AK4: variants seen among roughly 807,000 people sequenced by gnomAD.
The protein encoded by AK4 is adenylate kinase 4, also known as adenylate kinase 4, mitochondrial.
Under a neutral mutation model 24.6 loss-of-function variants are expected in AK4, and 13 were observed. That is an observed-to-expected ratio of 0.53 (90% CI 0.34 to 0.84). The LOEUF (loss-of-function observed/expected upper bound fraction) is 0.84, where lower values mean the gene tolerates loss of function less well. Ranked by LOEUF, AK4 falls within the 40% of genes least tolerant of loss-of-function variation. The pLI is 0.01. For synonymous variants in AK4, 88 were observed against 107.0 expected (o/e 0.82, Z 1.10); for missense variants, 192 against 288.2 (o/e 0.67, Z 2.42).
At chr1:65,194,889 A>G (rs1651420725) in intron 2 of AK4, among the ~76,000 whole-genome samples, 1 of 152,048 alleles carries the variant, frequency 6.6e-6, no homozygotes, top group Non-Finnish European at 1.5e-5. Context: ...GCTTCCTCCA[A>G]ATTCTTCAGC....
intron 1 of AK4, chr1:65,148,997 CG>C (rs1649671451): frequency 6.6e-6 from 1 of 152,248 alleles, no homozygotes; most frequent in Non-Finnish European, 1.5e-5. Context: ...CTGTGGCAGT[CG>C]GGCGGGGCCG....
At chr1:65,173,103 A>T (rs939593794) in intron 1 of AK4, among the ~76,000 whole-genome samples, 6 of 152,082 alleles carry the variant, frequency 3.9e-5, no homozygotes, top group Admixed American at 6.5e-5. Flanking sequence ...ACCTCAAGTG[A>T]TCCACCTGAC....
intron 1 of AK4, among the ~76,000 whole-genome samples, chr1:65,181,342 T>C (rs1650898839): frequency 6.6e-6 from 1 of 152,050 alleles, no homozygotes; most frequent in African/African-American, 2.4e-5. Flanking sequence ...TATTGTATAA[T>C]TGTGTCTGTG....
chr1:65,199,319 G>A (rs1651590005), intron 2 of AK4, among the ~76,000 whole-genome samples: 1 of 152,028 alleles, frequency 6.6e-6, no homozygotes, highest in Non-Finnish European at 1.5e-5. Flanking sequence ...GGAGGCCGAG[G>A]TGGGCGAGTC....
At chr1:65,204,697 C>G (rs959247529) in intron 2 of AK4, among the ~76,000 whole-genome samples, 1 of 152,186 alleles carries the variant, frequency 6.6e-6, no homozygotes, top group Admixed American at 6.5e-5. Flanking sequence ...AGACAGGAGG[C>G]ATTGTCTCCA....
chr1:65,214,336 C>T (rs1182607743), intron 2 of AK4, among the ~76,000 whole-genome samples: 1 of 152,034 alleles, frequency 6.6e-6, no homozygotes, highest in Non-Finnish European at 1.5e-5. Context: ...GTCTTGAACT[C>T]CTGACCGCAA....
chr1:65,166,144 C>T (rs1650321698), intron 1 of AK4: 1 of 152,180 alleles, frequency 6.6e-6, no homozygotes, highest in Non-Finnish European at 1.5e-5. Context: ...AAACTTGATT[C>T]CTGAGGGTCA....
chr1:65,212,230 T>C (rs1212019425), intron 2 of AK4, among the ~76,000 whole-genome samples: 1 of 152,124 alleles, frequency 6.6e-6, no homozygotes, highest in African/African-American at 2.4e-5. Flanking sequence ...AACTGTGTTA[T>C]AAGGATGCCA....
At chr1:65,212,213 A>G (rs1180782647) in intron 2 of AK4, among the ~76,000 whole-genome samples, 1 of 152,196 alleles carries the variant, frequency 6.6e-6, no homozygotes, top group African/African-American at 2.4e-5. Context: ...GATGCTCTAC[A>G]AATGGTAACT....
chr1:65,208,627 G>A (rs148846904), intron 2 of AK4, among the ~76,000 whole-genome samples: 2 of 152,262 alleles, frequency 1.3e-5, no homozygotes, highest in Admixed American at 6.5e-5. Context: ...GGCTGATGTC[G>A]CATAGCCTTT....
chr1:65,221,772 A>G (rs968249589), intron 3 of AK4, among the ~76,000 whole-genome samples: 3 of 152,204 alleles, frequency 2.0e-5, no homozygotes, highest in Admixed American at 1.3e-4. Context: ...CTTACCACTG[A>G]GTTGCTTTTC....
At chr1:65,207,893 A>G (rs1651859138) in intron 2 of AK4, among the ~76,000 whole-genome samples, 1 of 152,194 alleles carries the variant, frequency 6.6e-6, no homozygotes, top group Non-Finnish European at 1.5e-5. Flanking sequence ...TTACGGCTGC[A>G]TAGTATTCCA....
In AK4 at chr1:65,227,943, C is replaced by CT. The variant is rs1388699196; in HGVS notation, c.*1771dup. The CT allele has an allele frequency of 1.4e-5, 2 of 143,214 alleles. No homozygotes were observed. Among genetic ancestry groups the CT allele is most frequent in the African/African-American group, 5.7e-5 (2 of 35,178 alleles). 8.9% of individuals were successfully genotyped at this position (143,214 alleles called of 1,614,324 possible). On this transcript the variant is annotated 3_prime_UTR_variant, in exon 5 of 5. Transcript: ENST00000327299. ...CTCTCAAACATAATGAGATTGTTTA[C>CT]TTTTTAGATTTATGCAGTGAAAATG...
rs75988998 is a variant in AK4 at position 65,154,049 on chromosome 1, A to C, written c.145+5497A>C. Among the ~76,000 whole-genome samples the C allele has an allele frequency of 1.0e-3, 157 of 152,342 alleles. 1 individual carries two copies. The East Asian group carries it at 0.028, about 27-fold the overall frequency. On this transcript the variant is annotated intron_variant, in intron 1 of 4. Transcript: ENST00000327299. Reference sequence around the variant, plus strand: ...GGAAAGCCAAGGAAGGGTTTTCCATAGGACAATGACATGAAAAGATTTACT... The same window carrying C: ...GGAAAGCCAAGGAAGGGTTTTCCATCGGACAATGACATGAAAAGATTTACT...
chr1:65,222,177 G>T (rs746688236), intron 3 of AK4, among the ~76,000 whole-genome samples: 4 of 152,106 alleles, frequency 2.6e-5, no homozygotes, highest in Non-Finnish European at 4.4e-5. Context: ...AGAAAGGCTG[G>T]TGGCCCCACC....
chr1:65,179,727 C>T lies in AK4; in HGVS notation c.146-10983C>T, dbSNP rs147476249. ...GCATGTGCCTGTAGTCTCAGCTACT[C>T]TGGAGGCTGAGGCGGGAGAATCGCT... On this transcript the variant is annotated intron_variant, in intron 1 of 4. Coordinates refer to ENST00000327299, the MANE Select transcript of AK4 (RefSeq NM_013410.4). 3.8e-3 allele frequency among the ~76,000 whole-genome samples: 575 copies of T among 152,100 alleles called. 4 individuals carry two copies. The highest frequency in any genetic ancestry group is 0.013 in the African/African-American group (548 of 41,502).
chr1:65,162,522 C>G (rs780306779), intron 1 of AK4, among the ~76,000 whole-genome samples: 7 of 151,968 alleles, frequency 4.6e-5, no homozygotes, highest in African/African-American at 7.3e-5. Flanking sequence ...ATAAAATTTG[C>G]ATACAGTAAA....
intron 1 of AK4, among the ~76,000 whole-genome samples, chr1:65,188,531 T>C (rs1160468138): frequency 6.6e-6 from 1 of 152,036 alleles, no homozygotes; most frequent in Non-Finnish European, 1.5e-5. Context: ...CAGGTTGGAG[T>C]GCAGTGGCGT....
At chr1:65,181,508 TC>T (rs1650906999) in intron 1 of AK4, among the ~76,000 whole-genome samples, 1 of 151,690 alleles carries the variant, frequency 6.6e-6, no homozygotes, top group East Asian at 1.9e-4. Context: ...GGCCTCAGCC[TC>T]CCAAGTAGCT....
Sources: gnomAD v4.1 joint callset for allele counts (sites outside exome capture counted in the v4.1 genomes callset) on GRCh38, gnomAD v4.1.1 for gene constraint, MANE v1.5 for transcripts, NCBI Gene and HGNC (gene_info 2026-07-23, HGNC 2026-07-21) for gene names.